Variants in ESRRG observed in about 807,000 individuals in gnomAD.
ESRRG encodes estrogen related receptor gamma.
A neutral mutation model predicts 44.0 loss-of-function variants in ESRRG; 13 were observed. The ratio of observed to expected loss-of-function variants is 0.30; its 90% CI spans 0.19 to 0.47. The LOEUF is 0.47. Among genes scored for constraint, ESRRG ranks in the 20% least tolerant of loss-of-function variants. The probability of loss-of-function intolerance (pLI) is 1.00; values close to 1 mark genes in which losing one functional copy is unlikely to be tolerated. For missense variants in ESRRG, 395 were observed against 580.6 expected (o/e 0.68, Z 3.29); for synonymous variants, 215 against 214.6 (o/e 1.00, Z -0.02).
chr1:216,850,145 T>C (rs1192374961), intron 2 of ESRRG, among the ~76,000 whole-genome samples: 1 of 152,082 alleles, frequency 6.6e-6, no homozygotes, highest in Non-Finnish European at 1.5e-5. Flanking sequence ...ATATACACAA[T>C]TTAAAATGTA....
At chr1:216,521,379 G>C (rs2046026013) in intron 5 of ESRRG, among the ~76,000 whole-genome samples, 1 of 151,846 alleles carries the variant, frequency 6.6e-6, no homozygotes, top group South Asian at 2.1e-4. Context: ...AAGGAAAAAA[G>C]GTGCAATGCA....
At chr1:216,829,526 C>A (rs866699338) in intron 2 of ESRRG, among the ~76,000 whole-genome samples, 1 of 151,050 alleles carries the variant, frequency 6.6e-6, no homozygotes, top group Middle Eastern at 3.4e-3. Context: ...TCAACCCAGA[C>A]CTGCCTCACT....
chr1:216,826,999 C>T (rs972820785), intron 2 of ESRRG, among the ~76,000 whole-genome samples: 11 of 152,092 alleles, frequency 7.2e-5, no homozygotes, highest in African/African-American at 2.7e-4. Flanking sequence ...CCATCACAGA[C>T]ATTGATACAG....
chr1:216,588,879 G>T (rs781164078), intron 3 of ESRRG, among the ~76,000 whole-genome samples: 1 of 152,144 alleles, frequency 6.6e-6, no homozygotes, highest in Non-Finnish European at 1.5e-5. Context: ...GTACTTCTCT[G>T]AGGACTTTCA....
intron 1 of ESRRG, among the ~76,000 whole-genome samples, chr1:216,709,879 A>C (rs1173683306): frequency 6.6e-6 from 1 of 152,192 alleles, no homozygotes; most frequent in Non-Finnish European, 1.5e-5. Context: ...CAAATTTGTA[A>C]ATAAGGACAG....
At chr1:216,934,308 C>T (rs980029768) in intron 2 of ESRRG, among the ~76,000 whole-genome samples, 15 of 152,092 alleles carry the variant, frequency 9.9e-5, no homozygotes, top group African/African-American at 3.4e-4. Flanking sequence ...GTGGCAGGGA[C>T]CTATAATACC....
At chr1:216,686,469 A>G (rs1344968428) in intron 1 of ESRRG, among the ~76,000 whole-genome samples, 3 of 145,462 alleles carry the variant, frequency 2.1e-5, no homozygotes, top group Non-Finnish European at 1.5e-5. Context: ...AAAAGAAAGG[A>G]TTATTCAGCA....
chr1:216,517,762 T>C (rs139967009), intron 6 of ESRRG, among the ~76,000 whole-genome samples: 7 of 152,262 alleles, frequency 4.6e-5, no homozygotes, highest in African/African-American at 1.7e-4. Context: ...AGGGGATTCT[T>C]CAGGGTTCAT....
intron 2 of ESRRG, among the ~76,000 whole-genome samples, chr1:216,671,000 A>T (rs1381296326): frequency 1.3e-5 from 2 of 152,186 alleles, no homozygotes; most frequent in African/African-American, 4.8e-5. Context: ...ATCTTGATTT[A>T]TAACATTAAC....
At chr1:216,782,105 C>T (rs1054752247) in intron 2 of ESRRG, among the ~76,000 whole-genome samples, 1 of 152,068 alleles carries the variant, frequency 6.6e-6, no homozygotes, top group South Asian at 2.1e-4. Context: ...AAACTGATTT[C>T]TCATTTCTTT....
In ESRRG at chr1:217,019,740, G is replaced by A. The variant is rs79398250; in HGVS notation, c.-106+69767C>T. On this transcript the variant is annotated intron_variant, in intron 1 of 7. Coordinates refer to the ESRRG transcript ENST00000359162. The stretch of plus-strand genomic sequence containing the variant: ...ACCAGGTTTCTTTTTACATTAGGAA[G>A]AGCAGAGTCATCCCCAGGTGGGAAC... Among the ~76,000 whole-genome samples the A allele has an allele frequency of 8.3e-3, 1,258 of 152,278 alleles. 22 individuals are homozygous for A. Among genetic ancestry groups the A allele is most frequent in the African/African-American group, 0.028 (1,184 of 41,560 alleles).
At chr1:216,894,745 G>A (rs528912645) in intron 2 of ESRRG, among the ~76,000 whole-genome samples, 1 of 152,040 alleles carries the variant, frequency 6.6e-6, no homozygotes, top group Non-Finnish European at 1.5e-5. Flanking sequence ...CAAGTGGTCA[G>A]GAGCAGCACT....
In ESRRG at chr1:216,745,276, C is replaced by T. The variant is rs931889818; in HGVS notation, c.-13-67785G>A. Among the ~76,000 whole-genome samples, 11 of 152,232 alleles carry T rather than the reference C, an allele frequency of 7.2e-5. No homozygotes were observed. In the South Asian group the frequency reaches 1.9e-3, roughly 26 times the overall value. On this transcript the variant is annotated intron_variant, in intron 2 of 7. Transcript: ENST00000359162. ...TGGGCTCCAGCGATCCTCTCACTTCCAGCCTCCTAAATAGTTGGGACAACA... is the reference window on the plus strand; with the variant it reads ...TGGGCTCCAGCGATCCTCTCACTTCTAGCCTCCTAAATAGTTGGGACAACA...
chr1:217,120,828 A>T (rs1226716766), intron 1 of ESRRG, among the ~76,000 whole-genome samples: 1 of 151,910 alleles, frequency 6.6e-6, no homozygotes, highest in Admixed American at 6.6e-5. Context: ...AAATTGTACC[A>T]TTTTTTTCAT....
At chr1:216,901,102 G>A (rs2059017505) in intron 2 of ESRRG, among the ~76,000 whole-genome samples, 1 of 151,968 alleles carries the variant, frequency 6.6e-6, no homozygotes, top group African/African-American at 2.4e-5. Flanking sequence ...AAACATGATT[G>A]GAATTGAAAA....
At chr1:217,039,472 T>C (rs2083463451) in intron 1 of ESRRG, among the ~76,000 whole-genome samples, 1 of 152,158 alleles carries the variant, frequency 6.6e-6, no homozygotes, top group African/African-American at 2.4e-5. Context: ...ACATCTTATG[T>C]GGATGGCAGC....
chr1:217,127,819 T>A (rs1178147133), intron 1 of ESRRG, among the ~76,000 whole-genome samples: 1 of 152,262 alleles, frequency 6.6e-6, no homozygotes, highest in East Asian at 1.9e-4. Context: ...TGGTAGAATG[T>A]AAGAGCTACG....
chr1:217,114,168 A>G (rs1332209920), intron 1 of ESRRG, among the ~76,000 whole-genome samples: 1 of 152,150 alleles, frequency 6.6e-6, no homozygotes, highest in Non-Finnish European at 1.5e-5. Context: ...AACTTTAAAT[A>G]AGTATTAGGT....
At chr1:216,950,010 G>T (rs1205977805) in intron 1 of ESRRG, among the ~76,000 whole-genome samples, 1 of 151,590 alleles carries the variant, frequency 6.6e-6, no homozygotes, top group African/African-American at 2.4e-5. Context: ...AAGGGGTTTC[G>T]CCATGTTGGC....
Sources: gnomAD v4.1 joint callset for allele counts (sites outside exome capture counted in the v4.1 genomes callset) on GRCh38, gnomAD v4.1.1 for gene constraint, MANE v1.5 for transcripts, NCBI Gene and HGNC (gene_info 2026-07-23, HGNC 2026-07-21) for gene names.